Variants in SRP68 observed in about 807,000 individuals in gnomAD.
The protein encoded by SRP68 is signal recognition particle 68, also known as signal recognition particle subunit SRP68.
A neutral mutation model predicts 82.2 loss-of-function variants in SRP68; 15 were observed. That is an observed-to-expected ratio of 0.18 (90% confidence interval 0.12 to 0.28). SRP68 has a LOEUF of 0.28. SRP68 is among the 10% of genes least tolerant of loss of function. The probability of loss-of-function intolerance (pLI) is 1.00; values close to 1 mark genes in which losing one functional copy is unlikely to be tolerated. For synonymous variants in SRP68, 261 were observed against 292.6 expected (o/e 0.89, Z 1.10); for missense variants, 595 against 780.5 (o/e 0.76, Z 2.83).
At chr17:76,044,058 G>C (rs2066611670) in intron 12 of SRP68, 100 bp from the exon 13 acceptor site, 1 of 1,376,186 alleles carries the variant, frequency 7.3e-7, no homozygotes, top group Non-Finnish European at 9.7e-7. Context: ...TTGGAAACAG[G>C]TTTCTTAACG....
intron 13 of SRP68, chr17:76,043,350 G>A (rs1436551972): frequency 1.3e-5 from 2 of 152,238 alleles, no homozygotes; most frequent in South Asian, 2.1e-4. Context: ...CGCCGCTGCT[G>A]CTGGTCTTGC....
intron 4 of SRP68, among the ~76,000 whole-genome samples, chr17:76,062,742 T>TATATATATATATATATATATATAAA (rs1429272557): frequency 3.5e-5 from 1 of 28,210 alleles, no homozygotes; most frequent in Non-Finnish European, 5.7e-5. Flanking sequence ...TATATATATA[T>TATATATATATATATATATATATAAA]ATATATATAT....
intron 10 of SRP68, 92 bp downstream of exon 10, chr17:76,047,814 T>C (rs1474017397): frequency 1.1e-5 from 7 of 629,282 alleles, no homozygotes. Context: ...GAAAAGAAAT[T>C]ATAAATGTAA....
chr17:76,047,950 A>T lies in SRP68; in HGVS notation c.1098T>A (p.Leu366=), dbSNP rs967929084. The change falls in exon 10 of 16, where the codon CTT becomes CTA. Residue 366 remains leucine, a synonymous_variant. Coordinates refer to ENST00000307877, the MANE Select transcript of SRP68 (RefSeq NM_014230.4). The part of the protein sequence containing the change: ...KPDQKQRDYI[L]EGEPGKVSNL... The stretch of plus-strand genomic sequence containing the variant: ...TAGACACCTTCCCTGGCTCTCCTTC[A>T]AGGATATAATCTCTCTGTTTCTGCA... The T allele has an allele frequency of 8.9e-6, 14 of 1,579,650 alleles. No homozygotes were observed. Among genetic ancestry groups the T allele is most frequent in the African/African-American group, 1.3e-5 (1 of 74,260 alleles).
Position 76,058,320 on chromosome 17 carries a change from C to T in SRP68, c.838-777G>A, listed in dbSNP as rs112644454. Among the ~76,000 whole-genome samples, 686 of 152,096 alleles carry T rather than the reference C, an allele frequency of 4.5e-3. 4 individuals are homozygous for T. The highest frequency in any genetic ancestry group is 0.016 in the African/African-American group (649 of 41,520). ...ATTTTTAGTACAGACGGGGTTTCTC[C>T]GTGTTGGTCAGACTGGTCTCGAACT... is the stretch of plus-strand genomic sequence containing the variant. On this transcript the variant is annotated intron_variant, in intron 7 of 15. Coordinates refer to ENST00000307877, the MANE Select transcript of SRP68 (RefSeq NM_014230.4).
intron 12 of SRP68, 78 bp from the exon 13 acceptor site, chr17:76,044,036 G>C (rs950275340): frequency 1.3e-6 from 2 of 1,501,356 alleles, no homozygotes; most frequent in Non-Finnish European, 1.8e-6. Flanking sequence ...CAGTTTAGGC[G>C]AAATTTCACA....
chr17:76,053,589 T>A, intron 8 of SRP68: 2 of 985,266 alleles, frequency 2.0e-6, no homozygotes, highest in Non-Finnish European at 2.4e-6. Flanking sequence ...TCCCCACTGC[T>A]CCCACAAAGC....
At chr17:76,042,867 GAGCCACTGCATCC>G (rs1426078736) in intron 13 of SRP68, among the ~76,000 whole-genome samples, 1 of 152,166 alleles carries the variant, frequency 6.6e-6, no homozygotes, top group Non-Finnish European at 1.5e-5. Context: ...TTACAGGCAT[GAGCCACTGCATCC>G]AGCCCTGTGG....
chr17:76,063,050 G>A (rs557198573), intron 4 of SRP68, among the ~76,000 whole-genome samples: 10 of 151,686 alleles, frequency 6.6e-5, no homozygotes, highest in East Asian at 3.9e-4. Flanking sequence ...GATTACAGGC[G>A]TGAGCCACCA....
chr17:76,054,276 G>C (rs2066696624), intron 8 of SRP68, among the ~76,000 whole-genome samples: 1 of 152,132 alleles, frequency 6.6e-6, no homozygotes, highest in Non-Finnish European at 1.5e-5. Flanking sequence ...GTTTTCACTT[G>C]TCTATGGAAA....
intron 13 of SRP68, 101 bp downstream of exon 13, chr17:76,043,728 C>G: frequency 7.4e-7 from 1 of 1,350,868 alleles, no homozygotes; most frequent in Non-Finnish European, 9.8e-7. Context: ...CCAGGGAGGA[C>G]CAGCCTGAGG....
At chr17:76,050,384 G>T in intron 9 of SRP68, 44 bp downstream of exon 9, 1 of 1,424,630 alleles carries the variant, frequency 7.0e-7, no homozygotes, top group Non-Finnish European at 9.9e-7. Context: ...AGGCTGACCT[G>T]GACCCGCCCA....
At chr17:76,070,938 T>G (rs1405677350) in intron 1 of SRP68, among the ~76,000 whole-genome samples, 1 of 152,134 alleles carries the variant, frequency 6.6e-6, no homozygotes, top group African/African-American at 2.4e-5. Flanking sequence ...TCAATATCTA[T>G]CTTGTCACAG....
Position 76,050,526 on chromosome 17 carries a change from C to A in SRP68, c.979G>T (p.Ala327Ser). 2 of 1,611,340 alleles carry A rather than the reference C, an allele frequency of 1.2e-6. No homozygotes were observed. The highest frequency in any genetic ancestry group is 1.7e-6 in the Non-Finnish European group (2 of 1,178,016). Reference protein sequence around the residue: ...LADNEAAIVQAESEETKERLF... With the variant: ...LADNEAAIVQSESEETKERLF... The stretch of plus-strand genomic sequence containing the variant: ...CGCTCCTTAGTTTCTTCGCTTTCAG[C>A]CTAAACAAGGGCAGATCAAAGTAAG... Residue 327 changes from alanine (A) to serine (S), a missense_variant and splice_region_variant, in exon 9 of 16, where the codon GCT (alanine) becomes TCT (serine). Physicochemically the swap from Ala to Ser is moderately conservative, Grantham distance 99. Transcript: ENST00000307877.
intron 8 of SRP68, among the ~76,000 whole-genome samples, chr17:76,057,196 G>A (rs2066719129): frequency 6.6e-6 from 1 of 152,014 alleles, no homozygotes; most frequent in Non-Finnish European, 1.5e-5. Flanking sequence ...CAATTTCTTT[G>A]CCCTCTAAAC....
At chr17:76,066,524 C>T (rs1043808897) in intron 3 of SRP68, among the ~76,000 whole-genome samples, 9 of 150,268 alleles carry the variant, frequency 6.0e-5, no homozygotes, top group Admixed American at 2.0e-4. Flanking sequence ...TAGTTTCAGA[C>T]ATTGAAATTT....
intron 9 of SRP68, chr17:76,049,532 G>A (rs979556191): frequency 2.5e-4 from 38 of 152,210 alleles, no homozygotes; most frequent in African/African-American, 7.0e-4. Context: ...AGGATGCAGT[G>A]AAGTACAAGG....
chr17:76,064,176 A>C lies in SRP68; in HGVS notation c.366-5T>G, dbSNP rs1169237040. The C allele has an allele frequency of 6.2e-7, 1 of 1,613,312 alleles. No individual in the cohort carries two copies. Among genetic ancestry groups the C allele is most frequent in the Admixed American group, 1.7e-5 (1 of 59,904 alleles). On this transcript the variant is annotated splice_region_variant and splice_polypyrimidine_tract_variant and intron_variant, in intron 3 of 15. Transcript: ENST00000307877. ...ATCAGAACCAGAAGCAAGTATCTAG[A>C]CCAGAGACAGAAGTGGGGAGACAAT...
intron 12 of SRP68, chr17:76,044,746 T>A (rs887049766): frequency 6.6e-6 from 1 of 152,130 alleles, no homozygotes; most frequent in African/African-American, 2.4e-5. Flanking sequence ...AGTGTTTTTG[T>A]TTTTTTTGAG....
Sources: gnomAD v4.1 joint callset for allele counts (sites outside exome capture counted in the v4.1 genomes callset) on GRCh38, gnomAD v4.1.1 for gene constraint, MANE v1.5 for transcripts, NCBI Gene and HGNC (gene_info 2026-07-23, HGNC 2026-07-21) for gene names.